The following BRINP1 variants were observed in gnomAD, a reference collection of about 807,000 sequenced individuals.
BRINP1 encodes the protein BMP/retinoic acid inducible neural specific 1.
Under a neutral mutation model 72.9 loss-of-function variants are expected in BRINP1, and 17 were observed. The ratio of observed to expected loss-of-function variants is 0.23; its 90% CI spans 0.16 to 0.35. The LOEUF (loss-of-function observed/expected upper bound fraction) is 0.35. Among genes scored for constraint, BRINP1 ranks in the 10% least tolerant of loss-of-function variants. The probability of loss-of-function intolerance (pLI) is 1.00; values close to 1 mark genes in which losing one functional copy is unlikely to be tolerated. For missense variants in BRINP1, 850 were observed against 1,001.6 expected (o/e 0.85, Z 2.04); for synonymous variants, 418 against 378.5 (o/e 1.10, Z -1.21).
At chr9:119,242,966 A>G (rs1424066711) in intron 3 of BRINP1, among the ~76,000 whole-genome samples, 1 of 130,188 alleles carries the variant, frequency 7.7e-6, no homozygotes, top group African/African-American at 3.2e-5. Context: ...GAACAAGGGC[A>G]TGTTTCTTTT....
chr9:119,285,375 C>G (rs1830750331), intron 2 of BRINP1, among the ~76,000 whole-genome samples: 1 of 152,140 alleles, frequency 6.6e-6, no homozygotes, highest in East Asian at 1.9e-4. Context: ...CATGTGTCAG[C>G]ACTGAGTAAT....
chr9:119,201,435 C>CAGAA (rs752742759), intron 7 of BRINP1, among the ~76,000 whole-genome samples: 13 of 152,088 alleles, frequency 8.5e-5, no homozygotes, highest in Admixed American at 3.9e-4. Context: ...TTTAGCAAAA[C>CAGAA]AGAAAGAAAG....
At chr9:119,249,857 AGGGAGGG>A (rs1564228570) in intron 2 of BRINP1, among the ~76,000 whole-genome samples, 5 of 46,500 alleles carry the variant, frequency 1.1e-4, no homozygotes, top group East Asian at 5.3e-4. Flanking sequence ...GAAGGAAGGG[AGGGAGGG>A]AGGGAGGGAG....
intron 5 of BRINP1, among the ~76,000 whole-genome samples, chr9:119,222,690 CAAAT>C (rs1389622246): frequency 1.3e-5 from 2 of 151,774 alleles, no homozygotes; most frequent in Non-Finnish European, 2.9e-5. Flanking sequence ...GATAAGACAA[CAAAT>C]AAATAAATAA....
At chr9:119,242,004 T>A in intron 4 of BRINP1, 43 bp downstream of exon 4, 1 of 1,590,288 alleles carries the variant, frequency 6.3e-7, no homozygotes, top group Non-Finnish European at 8.6e-7. Context: ...TGCAGTGTTG[T>A]TGTATTGAGA....
At chr9:119,168,772 T>C (rs1829354416) in intron 7 of BRINP1, among the ~76,000 whole-genome samples, 1 of 152,240 alleles carries the variant, frequency 6.6e-6, no homozygotes, top group Admixed American at 6.5e-5. Context: ...TTTCTATTGA[T>C]GATCTTACAT....
At chr9:119,310,233 C>G (rs1395477062) in intron 2 of BRINP1, among the ~76,000 whole-genome samples, 1 of 152,108 alleles carries the variant, frequency 6.6e-6, no homozygotes. Context: ...GGGTCAGCAC[C>G]CGAGTTCCCT....
intron 5 of BRINP1, among the ~76,000 whole-genome samples, chr9:119,218,202 ATAT>A (rs1829999979): frequency 8.7e-6 from 1 of 114,318 alleles, no homozygotes; most frequent in South Asian, 3.4e-4. Flanking sequence ...GATCAAATAA[ATAT>A]TTTTTTTTTT....
intron 5 of BRINP1, among the ~76,000 whole-genome samples, chr9:119,225,957 T>C (rs1424356022): frequency 6.6e-6 from 1 of 152,050 alleles, no homozygotes; most frequent in African/African-American, 2.4e-5. Flanking sequence ...ACCGTAAACA[T>C]TTATTGAGCA....
At chr9:119,301,067 T>C (rs924722710) in intron 2 of BRINP1, among the ~76,000 whole-genome samples, 2 of 152,228 alleles carry the variant, frequency 1.3e-5, no homozygotes, top group East Asian at 3.8e-4. Flanking sequence ...CAGCTCTCTC[T>C]GCTAAGGGTC....
In BRINP1 at chr9:119,215,357, G is replaced by A. The variant is rs375683233; in HGVS notation, c.686-1202C>T. Among the ~76,000 whole-genome samples the A allele has an allele frequency of 3.3e-4, 50 of 152,286 alleles. 2 individuals carry two copies. Among genetic ancestry groups the A allele is most frequent in the African/African-American group, 1.1e-3 (46 of 41,558 alleles). On this transcript the variant is annotated intron_variant, in intron 5 of 7. Coordinates refer to ENST00000265922, the MANE Select transcript of BRINP1 (RefSeq NM_014618.3). ...TCAGCAGAGTGGTCTATTGTCTGTG[G>A]TGCCCAGAGAGAAGGACAGATCTGG...
chr9:119,192,858 A>G (rs1010877345), intron 7 of BRINP1, among the ~76,000 whole-genome samples: 1 of 152,158 alleles, frequency 6.6e-6, no homozygotes, highest in Non-Finnish European at 1.5e-5. Context: ...ATACCTATCA[A>G]CAAATAAATG....
At chr9:119,213,390 GA>G (rs1829948839) in intron 6 of BRINP1, among the ~76,000 whole-genome samples, 1 of 152,214 alleles carries the variant, frequency 6.6e-6, no homozygotes, top group Non-Finnish European at 1.5e-5. Context: ...TCTGAACTAT[GA>G]AAGGCAGAAA....
At chr9:119,354,435 C>T (rs989146303) in intron 1 of BRINP1, among the ~76,000 whole-genome samples, 6 of 152,158 alleles carry the variant, frequency 3.9e-5, no homozygotes. Flanking sequence ...GGGATGATCT[C>T]AGATCCAGGC....
Position 119,167,046 on chromosome 9 carries a change from T to TACA in BRINP1, c.*35_*37dup. Reference sequence around the variant, plus strand: ...GCTTCATTTTGTTCTGTTGTGTGTGTACAACAACAGGAAAAGTCCATGGCA... The same window carrying TACA: ...GCTTCATTTTGTTCTGTTGTGTGTGTACAACAACAACAGGAAAAGTCCATGGCA... On this transcript the variant is annotated 3_prime_UTR_variant, in exon 8 of 8. Coordinates refer to ENST00000265922, the MANE Select transcript of BRINP1 (RefSeq NM_014618.3). The surrounding 1 kb of genome is among the most constrained non-coding windows in gnomAD (Gnocchi z 4.3). 6.5e-7 allele frequency: 1 copy of TACA among 1,549,310 alleles called. No homozygotes were observed.
chr9:119,226,027 T>C (rs1221113200), intron 5 of BRINP1, among the ~76,000 whole-genome samples: 1 of 151,980 alleles, frequency 6.6e-6, no homozygotes, highest in Non-Finnish European at 1.5e-5. Flanking sequence ...TGAAAAAGCA[T>C]ATGGTTTCTC....
chr9:119,364,772 AC>A (rs1587974794), intron 1 of BRINP1, among the ~76,000 whole-genome samples: 1 of 152,340 alleles, frequency 6.6e-6, no homozygotes, highest in East Asian at 1.9e-4. Flanking sequence ...ACATGAGAGA[AC>A]AAAACTAAAG....
At chr9:119,255,526 T>C (rs1830436697) in intron 2 of BRINP1, among the ~76,000 whole-genome samples, 1 of 152,216 alleles carries the variant, frequency 6.6e-6, no homozygotes, top group South Asian at 2.1e-4. Flanking sequence ...TCTTTCTTTT[T>C]AGAGCAAAGT....
chr9:119,233,323 G>A (rs1456585057), intron 5 of BRINP1, among the ~76,000 whole-genome samples: 1 of 152,044 alleles, frequency 6.6e-6, no homozygotes, highest in African/African-American at 2.4e-5. Context: ...TGTTATTTAT[G>A]CCTTCTTCAT....
Sources: gnomAD v4.1 joint callset for allele counts (sites outside exome capture counted in the v4.1 genomes callset) on GRCh38, gnomAD v4.1.1 for gene constraint, Gnocchi (gnomAD v3.1) non-coding constraint, MANE v1.5 for transcripts, NCBI Gene and HGNC (gene_info 2026-07-23, HGNC 2026-07-21) for gene names.